The following PRKDC variants were observed in gnomAD, a reference collection of about 807,000 sequenced individuals.
The protein encoded by PRKDC is protein kinase, DNA-activated, catalytic subunit, also known as DNA-dependent protein kinase catalytic subunit.
A neutral mutation model predicts 486.9 loss-of-function variants in PRKDC; 82 were observed. That is an observed-to-expected ratio of 0.17 (90% CI 0.14 to 0.20). The LOEUF (loss-of-function observed/expected upper bound fraction) is 0.20. Among genes scored for constraint, PRKDC ranks in the 10% least tolerant of loss-of-function variants. The pLI is 1.00. For synonymous variants in PRKDC, 1,895 were observed against 1,837.0 expected (o/e 1.03, Z -0.81); for missense variants, 4,504 against 5,038.2 (o/e 0.89, Z 3.21).
At chr8:47,865,523 A>G (rs2088788574) in intron 40 of PRKDC, among the ~76,000 whole-genome samples, 1 of 152,210 alleles carries the variant, frequency 6.6e-6, no homozygotes, top group Non-Finnish European at 1.5e-5. Context: ...ATATATTTGA[A>G]TAATCACCTA....
rs527614795 is a variant in PRKDC, at chr8:47,903,433, A to G, written c.3043-638T>C. Among the ~76,000 whole-genome samples the G allele has an allele frequency of 3.9e-5, 6 of 152,364 alleles. No individual in the cohort carries two copies. The East Asian group carries it at 9.6e-4, about 24-fold the overall frequency. On this transcript the variant is annotated intron_variant, in intron 26 of 85. Coordinates refer to ENST00000314191, the MANE Select transcript of PRKDC (RefSeq NM_006904.7). ...AACGTACACTCAACAATGAATTAAGAGAGTTCTGCCTAACACTTCCAGTTA... is the reference window on the plus strand; with the variant it reads ...AACGTACACTCAACAATGAATTAAGGGAGTTCTGCCTAACACTTCCAGTTA...
chr8:47,957,976 T>C (rs569043776), intron 1 of PRKDC, among the ~76,000 whole-genome samples: 1 of 152,336 alleles, frequency 6.6e-6, no homozygotes, highest in African/African-American at 2.4e-5. Flanking sequence ...GGGTCACATC[T>C]TGTGAATATG....
At chr8:47,793,841 G>C (rs2086928489) in intron 74 of PRKDC, among the ~76,000 whole-genome samples, 1 of 152,126 alleles carries the variant, frequency 6.6e-6, no homozygotes, top group African/African-American at 2.4e-5. Context: ...CACAGTTTGT[G>C]TACAAAGCAT....
In PRKDC at chr8:47,824,674, T is replaced by G. The variant is rs1046069280; in HGVS notation, c.8784-678A>C. Among the ~76,000 whole-genome samples, 5 of 152,176 alleles carry G rather than the reference T, an allele frequency of 3.3e-5. No homozygotes were observed. In the South Asian group the frequency reaches 8.3e-4, roughly 25 times the overall value. ...CTACTGATGCCATGTTTAATCCATGTTCTATGGACCATCTCAATTTGTTGG... is the reference window on the plus strand; with the variant it reads ...CTACTGATGCCATGTTTAATCCATGGTCTATGGACCATCTCAATTTGTTGG... On this transcript the variant is annotated intron_variant, in intron 63 of 85. Transcript: ENST00000314191.
chr8:47,837,163 C>T (rs1234656303), intron 57 of PRKDC, 49 bp downstream of exon 57: 5 of 1,507,180 alleles, frequency 3.3e-6, no homozygotes, highest in African/African-American at 2.8e-5. Flanking sequence ...TGTTCATGAA[C>T]AGGAAAAGCC....
intron 68 of PRKDC, among the ~76,000 whole-genome samples, chr8:47,814,420 T>C (rs2087398750): frequency 6.6e-6 from 1 of 152,116 alleles, no homozygotes; most frequent in African/African-American, 2.4e-5. Flanking sequence ...GAAAGAAAGG[T>C]GGCTCTATCG....
At chr8:47,833,476 G>A (rs867569121) in intron 59 of PRKDC, among the ~76,000 whole-genome samples, 9 of 151,932 alleles carry the variant, frequency 5.9e-5, no homozygotes, top group African/African-American at 1.2e-4. Context: ...CTCGGCACCC[G>A]TCTAGTTCTG....
In PRKDC at chr8:47,888,505, A is replaced by G; in HGVS notation, c.4413+13T>C. ...AAGCTAAAATAAATGTAAAAACAATAAGTTATAGTTACCTGAGACGGTAAT... is the reference window on the plus strand; with the variant it reads ...AAGCTAAAATAAATGTAAAAACAATGAGTTATAGTTACCTGAGACGGTAAT... On this transcript the variant is annotated intron_variant, in intron 34 of 85. Coordinates refer to ENST00000314191, the MANE Select transcript of PRKDC (RefSeq NM_006904.7). 3 of 1,498,680 alleles carry G rather than the reference A, an allele frequency of 2.0e-6. No homozygotes were observed. The highest frequency in any genetic ancestry group is 8.9e-7 in the Non-Finnish European group (1 of 1,120,248). The allele number at this position is 1,498,680 out of a possible 1,614,324, so 92.8% of individuals were successfully genotyped here. A position where few individuals can be genotyped will look rare whatever the true frequency, so the allele number is the denominator to read the frequency against.
chr8:47,783,602 A>G, intron 78 of PRKDC, 140 bp downstream of exon 78: 1 of 797,562 alleles, frequency 1.3e-6, no homozygotes. Context: ...AAAAAAAAAG[A>G]GGAATTCAGT....
rs150948145 is a variant in PRKDC at position 47,931,306 on chromosome 8, C to T, written c.1777-519G>A. ...GTTAGAAATACAGAGCAGGAACCAA[C>T]AAGGGAGGAGGAGGCTGGAGACCAA... On this transcript the variant is annotated intron_variant, in intron 16 of 85. Transcript: ENST00000314191. Among the ~76,000 whole-genome samples the T allele has an allele frequency of 1.9e-3, 292 of 152,152 alleles. 1 individual carries two copies. Among genetic ancestry groups the T allele is most frequent in the Non-Finnish European group, 3.7e-3 (255 of 68,006 alleles).
chr8:47,855,037 C>T (rs2088501693), intron 50 of PRKDC, among the ~76,000 whole-genome samples, 185 bp downstream of exon 50: 1 of 152,160 alleles, frequency 6.6e-6, no homozygotes, highest in Non-Finnish European at 1.5e-5. Context: ...GAGGGCAGGG[C>T]CACTGGAGGG....
At chr8:47,844,052 C>A (rs1288974528) in intron 54 of PRKDC, among the ~76,000 whole-genome samples, 1 of 152,168 alleles carries the variant, frequency 6.6e-6, no homozygotes, top group Non-Finnish European at 1.5e-5. Flanking sequence ...TCAATATAAA[C>A]CTTGAATGTA....
Position 47,863,406 on chromosome 8 carries a change from A to G in PRKDC, c.5743T>C (p.Leu1915=). The G allele has an allele frequency of 6.3e-7, 1 of 1,599,604 alleles. No homozygotes were observed. Among genetic ancestry groups the G allele is most frequent in the Non-Finnish European group, 8.5e-7 (1 of 1,173,564 alleles). The part of the protein sequence containing the change: ...ITEGNELTKT[L]IKLCYDAFTE... ...AATTAAGTAAAATCTTACTTAATCA[A>G]TGTCTTTGTAAGTTCATTTCCTTCT... Residue 1915 remains leucine, a synonymous_variant, in exon 42 of 86, where the codon TTG becomes CTG. Coordinates refer to ENST00000314191, the MANE Select transcript of PRKDC (RefSeq NM_006904.7).
intron 9 of PRKDC, 127 bp from the exon 10 acceptor site, chr8:47,943,493 G>T: frequency 1.0e-6 from 1 of 969,876 alleles, no homozygotes. Context: ...TTACACTACA[G>T]TAACCCAGGG....
chr8:47,824,449 C>T (rs2087684054), intron 63 of PRKDC, among the ~76,000 whole-genome samples: 2 of 110,022 alleles, frequency 1.8e-5, no homozygotes, highest in Admixed American at 2.8e-4. Context: ...CCAGCCTGGG[C>T]AACAGCAAGA....
intron 40 of PRKDC, among the ~76,000 whole-genome samples, chr8:47,874,102 C>G (rs2089031273): frequency 6.6e-6 from 1 of 151,278 alleles, no homozygotes; most frequent in Non-Finnish European, 1.5e-5. Context: ...CACCACCACG[C>G]CCGGCTAATT....
At chr8:47,864,912 A>AC (rs939666808) in intron 40 of PRKDC, 149 bp from the exon 41 acceptor site, 1 of 630,706 alleles carries the variant, frequency 1.6e-6, no homozygotes, top group African/African-American at 1.8e-5. Context: ...TCCACAAAAC[A>AC]CAAAAAGCAT....
rs572511714 is a variant in PRKDC, at chr8:47,952,282, C to T, written c.721+1338G>A. ...AATACACACAGGAATATGATTCAGCCTTCAAAAAAAAAGACAATGCTGACA... is the reference window on the plus strand; with the variant it reads ...AATACACACAGGAATATGATTCAGCTTTCAAAAAAAAAGACAATGCTGACA... On this transcript the variant is annotated intron_variant, in intron 7 of 85. Coordinates refer to ENST00000314191, the MANE Select transcript of PRKDC (RefSeq NM_006904.7). Among the ~76,000 whole-genome samples the T allele has an allele frequency of 4.6e-5, 7 of 151,910 alleles. No individual in the cohort carries two copies. In the East Asian group the frequency reaches 1.4e-3, roughly 29 times the overall value.
intron 76 of PRKDC, 34 bp from the exon 77 acceptor site, chr8:47,785,351 T>A: frequency 1.3e-6 from 2 of 1,491,940 alleles, no homozygotes; most frequent in South Asian, 1.2e-5. Context: ...TAAAGACTGA[T>A]GTTTAGTTTG....
Sources: gnomAD v4.1 joint callset for allele counts (sites outside exome capture counted in the v4.1 genomes callset) on GRCh38, gnomAD v4.1.1 for gene constraint, MANE v1.5 for transcripts, NCBI Gene and HGNC (gene_info 2026-07-23, HGNC 2026-07-21) for gene names.